TMEM234: variants seen among roughly 807,000 people sequenced by gnomAD.
The protein encoded by TMEM234 is chromosome 1 open reading frame 91.
A neutral mutation model predicts 17.8 loss-of-function variants in TMEM234; 21 were observed. The observed-to-expected ratio is 1.18, with a 90% CI of 0.84 to 1.70. The LOEUF (loss-of-function observed/expected upper bound fraction) is 1.70, where lower values mean the gene tolerates loss of function less well. Among genes scored for constraint, TMEM234 ranks in the 40% most tolerant of loss-of-function variants. The probability of loss-of-function intolerance (pLI) is 0.00; values close to 1 mark genes in which losing one functional copy is unlikely to be tolerated. For missense variants in TMEM234, 137 were observed against 166.9 expected (o/e 0.82, Z 0.99); for synonymous variants, 83 against 73.5 (o/e 1.13, Z -0.66).
intron 3 of TMEM234, among the ~76,000 whole-genome samples, chr1:32,219,364 A>G (rs149084956): frequency 6.6e-6 from 1 of 152,146 alleles, no homozygotes; most frequent in Admixed American, 6.5e-5. Flanking sequence ...ACTTACAAAG[A>G]GCTGCTTTCT....
chr1:32,215,106 CCCGT>C, downstream of TMEM234: 1 of 909,446 alleles, frequency 1.1e-6, no homozygotes, highest in Non-Finnish European at 1.6e-6. Flanking sequence ...CAGGAGACTG[CCCGT>C]AAAAAAAAAA....
At position 32,218,975 on chromosome 1, in the gene TMEM234, G is replaced by A. The variant is rs989864258; in HGVS notation, c.236-1624C>T. Among the ~76,000 whole-genome samples, 29 of 152,072 alleles carry A rather than the reference G, an allele frequency of 1.9e-4. 1 individual carries two copies. The highest frequency in any genetic ancestry group is 5.6e-4 in the African/African-American group (23 of 41,392). ...CAAAAGAACAAAATTAGCCAGGCGT[G>A]GTGGCACATGCCCATAATCCCAGCT... On this transcript the variant is annotated intron_variant, in intron 3 of 4. Coordinates refer to ENST00000309777, the MANE Select transcript of TMEM234 (RefSeq NM_019118.5).
rs1569792290 is a variant in TMEM234 at position 32,216,774 on chromosome 1, G to A, written c.*79C>T. On this transcript the variant is annotated 3_prime_UTR_variant, in exon 5 of 5. Coordinates refer to ENST00000309777, the MANE Select transcript of TMEM234 (RefSeq NM_019118.5). ...CTAAGGCCAGAGAGGGGAAGTGCTA[G>A]GTCCATCCGCTCACTGCCAGCACTT... 1 of 1,573,198 alleles carries A rather than the reference G, an allele frequency of 6.4e-7. No homozygotes were observed. Among genetic ancestry groups the A allele is most frequent in the East Asian group, 2.3e-5 (1 of 43,658 alleles).
downstream of TMEM234, chr1:32,215,555 G>A (rs763264271): frequency 1.2e-6 from 2 of 1,611,340 alleles, no homozygotes; most frequent in South Asian, 2.2e-5. Context: ...TAAGCTGTTG[G>A]ATCAGGAAAC....
chr1:32,216,999 G>A lies in TMEM234; in HGVS notation c.329-52C>T, dbSNP rs762319738. 5 of 1,612,572 alleles carry A rather than the reference G, an allele frequency of 3.1e-6. No individual in the cohort carries two copies. The East Asian group carries it at 8.9e-5, about 29-fold the overall frequency. On this transcript the variant is annotated intron_variant, in intron 4 of 4. Coordinates refer to ENST00000309777, the MANE Select transcript of TMEM234 (RefSeq NM_019118.5). ...GGTCTGAGCTCAGCCATGCCAGTAGGAGCTGGTACAGGGCTGGAGGAAGGG... is the reference window on the plus strand; with the variant it reads ...GGTCTGAGCTCAGCCATGCCAGTAGAAGCTGGTACAGGGCTGGAGGAAGGG...
Position 32,221,911 on chromosome 1 carries a change from G to A in TMEM234, c.124C>T (p.Gln42Ter), listed in dbSNP as rs1428418675. ...GTCTTCATCTCCTGTAGCAACTGCTGGGCCCAGGTCGGCTCATGAACCCGC... is the reference window on the plus strand; with the variant it reads ...GTCTTCATCTCCTGTAGCAACTGCTAGGCCCAGGTCGGCTCATGAACCCGC... ...LQRVHEPTWA[Q>*]QLLQEMKTLF... Residue 42 changes from glutamine to a stop codon, truncating the protein, a stop_gained, in exon 2 of 5, where the codon CAG (glutamine) becomes TAG (stop). Coordinates refer to ENST00000309777, the MANE Select transcript of TMEM234 (RefSeq NM_019118.5). LOFTEE classifies it high-confidence loss of function. The A allele has an allele frequency of 1.9e-6, 3 of 1,613,088 alleles. No individual in the cohort carries two copies. The highest frequency in any genetic ancestry group is 2.2e-5 in the South Asian group (2 of 91,084).
At chr1:32,214,791 C>T (rs760320813), downstream of TMEM234, 1 of 1,613,908 alleles carries the variant, frequency 6.2e-7, no homozygotes, top group South Asian at 1.1e-5. Context: ...AGTGTCCCTT[C>T]TCTAGGCCCA....
downstream of TMEM234, chr1:32,216,060 C>A: frequency 1.4e-6 from 1 of 724,140 alleles, no homozygotes; most frequent in South Asian, 1.7e-5. Context: ...AACCCACAGC[C>A]CAGCCTTCCC....
downstream of TMEM234, chr1:32,215,898 G>C (rs937895944): frequency 1.9e-6 from 3 of 1,550,812 alleles, no homozygotes; most frequent in Non-Finnish European, 2.6e-6. Flanking sequence ...GCCATCTTGA[G>C]AGCCAGCAGC....
chr1:32,216,809 G>A lies in TMEM234; in HGVS notation c.*44C>T. On this transcript the variant is annotated 3_prime_UTR_variant, in exon 5 of 5. Coordinates refer to ENST00000309777, the MANE Select transcript of TMEM234 (RefSeq NM_019118.5). ...CTCACTGCCAGCACTTCATGGCCCA[G>A]GGGCTTCCTGGAGGCAGCAGAGCTG... 2 of 1,609,030 alleles carry A rather than the reference G, an allele frequency of 1.2e-6. No individual in the cohort carries two copies. Among genetic ancestry groups the A allele is most frequent in the Non-Finnish European group, 1.7e-6 (2 of 1,177,720 alleles).
intron 3 of TMEM234, among the ~76,000 whole-genome samples, chr1:32,219,103 ATGCC>A (rs1638665353): frequency 6.8e-6 from 1 of 147,258 alleles, no homozygotes; most frequent in African/African-American, 2.5e-5. Flanking sequence ...CAAGAGCGAA[ATGCC>A]GTCTCAAAAA....
At chr1:32,217,152 A>G in intron 4 of TMEM234, 107 bp downstream of exon 4, 1 of 1,600,934 alleles carries the variant, frequency 6.2e-7, no homozygotes, top group Non-Finnish European at 8.5e-7. Flanking sequence ...GGATGGGAAA[A>G]GGCCGTGTCC....
downstream of TMEM234, chr1:32,215,863 C>T (rs1336480940): frequency 1.3e-6 from 2 of 1,551,270 alleles, no homozygotes; most frequent in Non-Finnish European, 8.7e-7. Flanking sequence ...GCTGGGGCTG[C>T]TATCTCAGCC....
Position 32,217,991 on chromosome 1 carries a change from T to C in TMEM234, c.236-640A>G, listed in dbSNP as rs556360314. Among the ~76,000 whole-genome samples the C allele has an allele frequency of 2.6e-4, 40 of 152,324 alleles. 1 individual carries two copies. Among genetic ancestry groups the C allele is most frequent in the Admixed American group, 2.6e-4 (4 of 15,288 alleles). ...GCCTTATGGAGTTAAAAATAAAAAG[T>C]GTCAGAAGGAAGGAGCAGGACCTGT... On this transcript the variant is annotated intron_variant, in intron 3 of 4. Transcript: ENST00000309777.
chr1:32,216,621 G>T lies in TMEM234; in HGVS notation c.*232C>A. On this transcript the variant is annotated 3_prime_UTR_variant, in exon 5 of 5. Transcript: ENST00000309777. ...TGCTGGGGCAGAAAGGTTGCTGAGG[G>T]TGAGCGTAGAGTCTCCTGTGCTAAA... 6.5e-7 allele frequency: 1 copy of T among 1,533,694 alleles called. No homozygotes were observed.
At chr1:32,221,240 G>A (rs1263488855) in intron 2 of TMEM234, 43 bp from the exon 3 acceptor site, 1 of 1,474,550 alleles carries the variant, frequency 6.8e-7, no homozygotes, top group Admixed American at 1.7e-5. Flanking sequence ...TGGCCTGACT[G>A]AGCAGCACTG....
chr1:32,215,112 A>C (rs544434878), downstream of TMEM234: 106 of 513,302 alleles, frequency 2.1e-4, no homozygotes, highest in Non-Finnish European at 2.9e-4. Flanking sequence ...ACTGCCCGTA[A>C]AAAAAAAAAA....
chr1:32,214,905 A>G (rs564591136), downstream of TMEM234: 1 of 1,613,954 alleles, frequency 6.2e-7, no homozygotes, highest in African/African-American at 1.3e-5. Flanking sequence ...GCCAAGAAGC[A>G]AGCTCCCCAC....
intron 3 of TMEM234, among the ~76,000 whole-genome samples, chr1:32,218,043 G>A (rs1436821862): frequency 6.6e-6 from 1 of 152,238 alleles, no homozygotes; most frequent in Non-Finnish European, 1.5e-5. Flanking sequence ...GACCTGTGGT[G>A]TGGGTAGAGG....
Sources: gnomAD v4.1 joint callset for allele counts (sites outside exome capture counted in the v4.1 genomes callset) on GRCh38, gnomAD v4.1.1 for gene constraint, MANE v1.5 for transcripts, NCBI Gene and HGNC (gene_info 2026-07-23, HGNC 2026-07-21) for gene names.